KIF2A: variants seen among roughly 807,000 people sequenced by gnomAD.
The protein encoded by KIF2A is kinesin-like protein KIF2A.
In KIF2A, 22 loss-of-function variants were observed where a neutral mutation model predicts 100.2. The ratio of observed to expected loss-of-function variants is 0.22; its 90% CI spans 0.16 to 0.31. The LOEUF is 0.31. KIF2A is among the 10% of genes least tolerant of loss of function. The probability of loss-of-function intolerance (pLI) is 1.00; values close to 1 mark genes in which losing one functional copy is unlikely to be tolerated. For missense variants in KIF2A, 495 were observed against 898.7 expected, an observed-to-expected ratio of 0.55 and a Z score of 5.74; for synonymous variants, 268 against 285.9, an observed-to-expected ratio of 0.94 and a Z score of 0.63.
intron 1 of KIF2A, among the ~76,000 whole-genome samples, chr5:62,320,444 A>T (rs967851518): frequency 6.6e-6 from 1 of 152,196 alleles, no homozygotes; most frequent in Non-Finnish European, 1.5e-5. Context: ...TCTTCCATAG[A>T]TATGAATTTA....
chr5:62,311,262 A>G (rs532367102), intron 1 of KIF2A, among the ~76,000 whole-genome samples: 4 of 152,168 alleles, frequency 2.6e-5, no homozygotes, highest in Non-Finnish European at 5.9e-5. Context: ...TTGGAACCGT[A>G]TACCGCTTTT....
chr5:62,334,750 G>T (rs1202220191), intron 1 of KIF2A, among the ~76,000 whole-genome samples: 2 of 152,250 alleles, frequency 1.3e-5, no homozygotes, highest in Middle Eastern at 3.4e-3. Context: ...CCATCGTTCA[G>T]GGTGTCCCCC....
intron 17 of KIF2A, among the ~76,000 whole-genome samples, chr5:62,372,973 A>T (rs1460263780): frequency 6.6e-6 from 1 of 152,030 alleles, no homozygotes; most frequent in Non-Finnish European, 1.5e-5. Context: ...GTGGTGGCTC[A>T]CACCTGTAAT....
At chr5:62,314,062 G>A (rs1406669027) in intron 1 of KIF2A, among the ~76,000 whole-genome samples, 4 of 152,144 alleles carry the variant, frequency 2.6e-5, no homozygotes, top group Admixed American at 6.5e-5. Flanking sequence ...AAAGTACTGG[G>A]ATTACAGGTG....
At position 62,390,968 on chromosome 5, in the gene KIF2A, ATCT is replaced by A; in HGVS notation, c.*5403_*5405del. ...GCTGTATTTTATCTGCTATGCTGAA[ATCT>A]TCTGGTATTATCTATCAATATAAGA... On this transcript the variant is annotated 3_prime_UTR_variant, in exon 21 of 21. Coordinates refer to ENST00000407818, the MANE Select transcript of KIF2A (RefSeq NM_001098511.3). 1.2e-6 allele frequency: 2 copies of A among 1,613,302 alleles called. No homozygotes were observed. The highest frequency in any genetic ancestry group is 2.2e-5 in the East Asian group (1 of 44,872).
At chr5:62,319,087 C>T (rs1745974015) in intron 1 of KIF2A, among the ~76,000 whole-genome samples, 1 of 151,634 alleles carries the variant, frequency 6.6e-6, no homozygotes, top group Non-Finnish European at 1.5e-5. Context: ...TTTGGTCATG[C>T]TAGCATTATG....
At position 62,322,110 on chromosome 5, in the gene KIF2A, A is replaced by T. The variant is rs1254163178; in HGVS notation, c.64+15574A>T. On this transcript the variant is annotated intron_variant, in intron 1 of 20. Coordinates refer to ENST00000407818, the MANE Select transcript of KIF2A (RefSeq NM_001098511.3). ...AATTTTTTTTAGAGGGGATTGGGGT[A>T]GGGGAGAGACAAGGTCTCACTATGT... is the stretch of plus-strand genomic sequence containing the variant. Among the ~76,000 whole-genome samples, 3 of 151,650 alleles carry T rather than the reference A, an allele frequency of 2.0e-5. No individual in the cohort carries two copies. In the East Asian group the frequency reaches 5.9e-4, roughly 30 times the overall value.
chr5:62,348,882 A>G (rs1237134907), intron 3 of KIF2A, among the ~76,000 whole-genome samples: 1 of 152,216 alleles, frequency 6.6e-6, no homozygotes, highest in Non-Finnish European at 1.5e-5. Context: ...GCCAAATACT[A>G]TGCTGGACAA....
intron 1 of KIF2A, among the ~76,000 whole-genome samples, chr5:62,330,226 C>G (rs1746565372): frequency 6.6e-6 from 1 of 152,072 alleles, no homozygotes; most frequent in Non-Finnish European, 1.5e-5. Flanking sequence ...TGGCAGGCAC[C>G]TCTGGTTCCA....
intron 1 of KIF2A, among the ~76,000 whole-genome samples, chr5:62,340,880 G>A (rs1039972595): frequency 5.9e-5 from 9 of 151,904 alleles, no homozygotes; most frequent in East Asian, 1.9e-4. Context: ...CCATATATAC[G>A]ACAATTAAAA....
intron 1 of KIF2A, among the ~76,000 whole-genome samples, chr5:62,309,078 G>C (rs1353734509): frequency 3.3e-5 from 5 of 152,096 alleles, no homozygotes; most frequent in Admixed American, 3.3e-4. Context: ...TATGAGTATA[G>C]GTGTTAACTT....
chr5:62,312,029 C>G (rs551891728), intron 1 of KIF2A: 2 of 152,310 alleles, frequency 1.3e-5, no homozygotes, highest in African/African-American at 4.8e-5. Flanking sequence ...GTGCTGCTGA[C>G]AGATGTTTGC....
intron 1 of KIF2A, among the ~76,000 whole-genome samples, chr5:62,318,239 C>G (rs796402351): frequency 6.6e-6 from 1 of 152,106 alleles, no homozygotes; most frequent in African/African-American, 2.4e-5. Context: ...TGTGCCACCA[C>G]GCCCAGCTAA....
intron 1 of KIF2A, among the ~76,000 whole-genome samples, chr5:62,334,655 A>C (rs548091698): frequency 2.6e-5 from 4 of 151,976 alleles, no homozygotes; most frequent in African/African-American, 7.2e-5. Context: ...CAGCCCCCTA[A>C]GTTTGCTCAC....
At chr5:62,314,822 G>A (rs1745735285) in intron 1 of KIF2A, among the ~76,000 whole-genome samples, 1 of 147,134 alleles carries the variant, frequency 6.8e-6, no homozygotes, top group African/African-American at 2.5e-5. Flanking sequence ...TAGTGCAGTG[G>A]CACGATCTTG....
chr5:62,321,769 G>A (rs992412800), intron 1 of KIF2A, among the ~76,000 whole-genome samples: 8 of 152,082 alleles, frequency 5.3e-5, no homozygotes, highest in Middle Eastern at 3.4e-3. Context: ...ACGTTTCCTA[G>A]GCTGGTCTCA....
At chr5:62,369,096 T>A (rs138156381) in intron 16 of KIF2A, among the ~76,000 whole-genome samples, 3,651 of 152,274 alleles carry the variant, frequency 0.024, 137 homozygotes, top group African/African-American at 0.082. Flanking sequence ...CCTAATATTG[T>A]GAAAATGCTA....
At chr5:62,321,284 A>T (rs2111808487) in intron 1 of KIF2A, among the ~76,000 whole-genome samples, 1 of 152,296 alleles carries the variant, frequency 6.6e-6, no homozygotes, top group South Asian at 2.1e-4. Flanking sequence ...TTATACCTAG[A>T]AGTGGAATTG....
rs148537199 is a variant in KIF2A at position 62,368,263 on chromosome 5, G to GT, written c.1646+1793dup. 3.1e-3 allele frequency among the ~76,000 whole-genome samples: 443 copies of GT among 142,102 alleles called. 1 individual carries two copies. Among genetic ancestry groups the GT allele is most frequent in the African/African-American group, 9.7e-3 (378 of 38,934 alleles). 93.2% of individuals were successfully genotyped at this position (142,102 alleles called of 152,430 possible). On this transcript the variant is annotated intron_variant, in intron 16 of 20. Transcript: ENST00000407818. ...TTAACTTCTGTGGAATACTTTTCTT[G>GT]TTTTTTTTTTTCCTCTTTTTAAAAA... is the stretch of plus-strand genomic sequence containing the variant.
Sources: allele counts gnomAD v4.1 joint callset (sites outside exome capture counted in the v4.1 genomes callset), GRCh38; gene constraint gnomAD v4.1.1; transcripts MANE v1.5; gene names NCBI Gene and HGNC (gene_info 2026-07-23, HGNC 2026-07-21).